SMPD3: variants seen among roughly 807,000 people sequenced by gnomAD.
SMPD3 encodes the protein sphingomyelin phosphodiesterase 3.
Under a neutral mutation model 55.7 loss-of-function variants are expected in SMPD3, and 21 were observed. The ratio of observed to expected loss-of-function variants is 0.38; its 90% confidence interval spans 0.27 to 0.54. SMPD3 has a LOEUF of 0.54. Ranked by LOEUF, SMPD3 falls within the 20% of genes least tolerant of loss-of-function variation. SMPD3 has a pLI of 0.80. For synonymous variants in SMPD3, 457 were observed against 404.3 expected (o/e 1.13, Z -1.56); for missense variants, 842 against 899.6 (o/e 0.94, Z 0.82).
At position 68,361,069 on chromosome 16, in the gene SMPD3, G is replaced by T. The variant is rs2089231724; in HGVS notation, c.*137C>A. ...AGGCGCAGAGCAGCGCAGCTTCCAG[G>T]TTCCCGGGCACTGACTGTGGCTCCC... On this transcript the variant is annotated 3_prime_UTR_variant, in exon 9 of 9. Transcript: ENST00000219334. The T allele has an allele frequency of 2.6e-6, 2 of 768,190 alleles. No individual in the cohort carries two copies. The highest frequency in any genetic ancestry group is 1.8e-5 in the South Asian group (1 of 55,402). The allele number at this position is 768,190 out of a possible 1,614,324, so 47.6% of individuals were successfully genotyped here.
chr16:68,386,307 G>A (rs2090052043), intron 2 of SMPD3, among the ~76,000 whole-genome samples: 1 of 151,928 alleles, frequency 6.6e-6, no homozygotes, highest in Non-Finnish European at 1.5e-5. Context: ...TTTATGAAGT[G>A]CTGCTTCAAA....
chr16:68,386,449 A>C (rs1427463277), intron 2 of SMPD3, 149 bp downstream of exon 2: 1 of 152,162 alleles, frequency 6.6e-6, no homozygotes, highest in African/African-American at 2.4e-5. Flanking sequence ...TGTGGTTTTC[A>C]AACATTTTAA....
chr16:68,377,061 C>T (rs538518325), intron 2 of SMPD3, among the ~76,000 whole-genome samples: 13 of 152,274 alleles, frequency 8.5e-5, no homozygotes, highest in East Asian at 3.9e-4. Flanking sequence ...GTCCTGGGCA[C>T]GGTTCTGGGG....
chr16:68,443,842 CAG>C (rs781494745), intron 1 of SMPD3, among the ~76,000 whole-genome samples: 29 of 152,164 alleles, frequency 1.9e-4, no homozygotes, highest in Non-Finnish European at 3.8e-4. Flanking sequence ...AGGGAAAAAA[CAG>C]TGGTAAGGAG....
intron 2 of SMPD3, among the ~76,000 whole-genome samples, chr16:68,374,075 T>C (rs2089745201): frequency 6.6e-6 from 1 of 152,236 alleles, no homozygotes; most frequent in Admixed American, 6.5e-5. Context: ...TATGGCCACC[T>C]GCCCAGCAGA....
At chr16:68,395,078 G>A (rs1324302340) in intron 1 of SMPD3, among the ~76,000 whole-genome samples, 2 of 151,792 alleles carry the variant, frequency 1.3e-5, no homozygotes, top group Non-Finnish European at 2.9e-5. Context: ...CTTTCCTAAG[G>A]GGGCTGGAAT....
rs753550771 is a variant in SMPD3 at position 68,370,877 on chromosome 16, C to G, written c.1305G>C (p.Lys435Asn). ...NKCNDDALAS[K>N]GALFLKVQVG... ...CTCCTACCTTGAGAAACAGAGCTCC[C>G]TTAGAGGCCAGGGCATCGTCGTTAC... Residue 435 changes from lysine (K) to asparagine (N), a missense_variant, in exon 3 of 9, where the codon AAG becomes AAC. Physicochemically the swap from Lys to Asn is moderately conservative, Grantham distance 94. Around this residue, in one of 2 missense-constraint regions of SMPD3, gnomAD observed 649 missense variants for 643.6 expected, o/e 1.01. Transcript: ENST00000219334. 1 of 1,613,798 alleles carries G rather than the reference C, an allele frequency of 6.2e-7. No individual in the cohort carries two copies. Among genetic ancestry groups the G allele is most frequent in the South Asian group, 1.1e-5 (1 of 90,982 alleles).
At chr16:68,378,309 G>A (rs2089869207) in intron 2 of SMPD3, among the ~76,000 whole-genome samples, 1 of 152,240 alleles carries the variant, frequency 6.6e-6, no homozygotes, top group Non-Finnish European at 1.5e-5. Flanking sequence ...GCTCTGAGCT[G>A]CTGAAACTTA....
intron 1 of SMPD3, among the ~76,000 whole-genome samples, chr16:68,416,870 G>C (rs1390577894): frequency 2.0e-5 from 3 of 152,102 alleles, no homozygotes; most frequent in Admixed American, 6.5e-5. Context: ...TAGGTGGGAG[G>C]CCCGTGTCGC....
chr16:68,378,953 C>T (rs780853875), intron 2 of SMPD3, among the ~76,000 whole-genome samples: 11 of 152,188 alleles, frequency 7.2e-5, no homozygotes, highest in Non-Finnish European at 1.3e-4. Flanking sequence ...CTGATCTCCC[C>T]GCACCCAAAG....
At chr16:68,361,821 C>A in intron 7 of SMPD3, 62 bp from the exon 8 acceptor site, 1 of 1,410,320 alleles carries the variant, frequency 7.1e-7, no homozygotes, top group Non-Finnish European at 9.5e-7. Flanking sequence ...CTGGCAGGGG[C>A]TGTGTGTGGA....
Position 68,371,337 on chromosome 16 carries a change from T to G in SMPD3, c.845A>C (p.His282Pro). 1 of 1,589,936 alleles carries G rather than the reference T, an allele frequency of 6.3e-7. No homozygotes were observed. The change falls in exon 3 of 9, where the codon CAT becomes CCT. Residue 282 changes from histidine (H) to proline (P), a missense_variant. His to Pro is a moderately conservative substitution (Grantham distance 77). Coordinates refer to ENST00000219334, the MANE Select transcript of SMPD3 (RefSeq NM_018667.4). ...GGGPRGQTPNHNQQDGDSGSL... is the reference protein window; with the variant it reads ...GGGPRGQTPNPNQQDGDSGSL... Reference sequence around the variant, plus strand: ...CCCTGAATCCCCGTCCTGCTGATTATGGTTGGGCGTCTGGCCCCTTGGGCC... The same window carrying G: ...CCCTGAATCCCCGTCCTGCTGATTAGGGTTGGGCGTCTGGCCCCTTGGGCC...
intron 1 of SMPD3, among the ~76,000 whole-genome samples, chr16:68,413,340 A>G (rs973751182): frequency 6.6e-6 from 1 of 152,228 alleles, no homozygotes. Flanking sequence ...TGAGCTGTGA[A>G]GCCTTGCAGC....
chr16:68,428,766 G>T (rs2090457352), intron 1 of SMPD3, among the ~76,000 whole-genome samples: 1 of 152,180 alleles, frequency 6.6e-6, no homozygotes, highest in Non-Finnish European at 1.5e-5. Flanking sequence ...TGAACTAGGG[G>T]CTGGAGGAGG....
At chr16:68,364,595 C>A in intron 5 of SMPD3, 156 bp downstream of exon 5, 1 of 842,600 alleles carries the variant, frequency 1.2e-6, no homozygotes. Context: ...TCTAGGATTT[C>A]TAGGGGGCAG....
chr16:68,372,927 T>C (rs1463528397), intron 2 of SMPD3, among the ~76,000 whole-genome samples: 1 of 152,190 alleles, frequency 6.6e-6, no homozygotes, highest in Non-Finnish European at 1.5e-5. Context: ...CAGAGGGCAG[T>C]GTGGCCAGCA....
chr16:68,423,338 C>T (rs1454710926), intron 1 of SMPD3, among the ~76,000 whole-genome samples: 1 of 152,132 alleles, frequency 6.6e-6, no homozygotes, highest in Admixed American at 6.5e-5. Context: ...AACCTAATCT[C>T]CAAATTCATA....
intron 1 of SMPD3, among the ~76,000 whole-genome samples, chr16:68,423,610 C>G (rs1409402698): frequency 6.6e-6 from 1 of 152,194 alleles, no homozygotes. Context: ...TACCCAGTCT[C>G]AGGTGTCCTG....
chr16:68,397,063 G>T (rs2036776077), intron 1 of SMPD3, among the ~76,000 whole-genome samples: 1 of 152,192 alleles, frequency 6.6e-6, no homozygotes, highest in South Asian at 2.1e-4. Context: ...GAAAACTGAG[G>T]CTTGGAGGGG....
Sources: allele counts gnomAD v4.1 joint callset (sites outside exome capture counted in the v4.1 genomes callset), GRCh38; gene constraint gnomAD v4.1.1; regional missense constraint gnomAD v4.1.1; transcripts MANE v1.5; gene names NCBI Gene and HGNC (gene_info 2026-07-23, HGNC 2026-07-21).